The following CBLB variants were observed in gnomAD, a reference collection of about 807,000 sequenced individuals.
CBLB encodes the protein E3 ubiquitin-protein ligase CBL-B.
A neutral mutation model predicts 104.9 loss-of-function variants in CBLB; 31 were observed. The ratio of observed to expected loss-of-function variants is 0.30; its 90% CI spans 0.22 to 0.40. The LOEUF (loss-of-function observed/expected upper bound fraction) is 0.40. Among genes scored for constraint, CBLB ranks in the 10% least tolerant of loss-of-function variants. The probability of loss-of-function intolerance (pLI) is 1.00; values close to 1 mark genes in which losing one functional copy is unlikely to be tolerated. For synonymous variants in CBLB, 440 were observed against 422.6 expected (o/e 1.04, Z -0.51); for missense variants, 1,062 against 1,214.6 (o/e 0.87, Z 1.87).
At chr3:105,706,785 A>AT (rs537241012) in intron 10 of CBLB, among the ~76,000 whole-genome samples, 1,602 of 152,288 alleles carry the variant, frequency 0.011, 22 homozygotes, top group African/African-American at 0.036. Context: ...CAAACAATAT[A>AT]TTTTTTTATA....
chr3:105,784,795 A>G (rs756654839), intron 3 of CBLB, among the ~76,000 whole-genome samples: 1 of 152,166 alleles, frequency 6.6e-6, no homozygotes, highest in Admixed American at 6.5e-5. Context: ...TTTACTCAAT[A>G]GAATATAGTT....
intron 9 of CBLB, among the ~76,000 whole-genome samples, chr3:105,726,233 A>C (rs969367468): frequency 6.6e-6 from 1 of 152,154 alleles, no homozygotes; most frequent in Non-Finnish European, 1.5e-5. Flanking sequence ...TTTCCCAACA[A>C]CACTCTCTAC....
intron 10 of CBLB, among the ~76,000 whole-genome samples, chr3:105,706,637 T>C (rs1294466384): frequency 6.6e-6 from 1 of 152,152 alleles, no homozygotes; most frequent in Non-Finnish European, 1.5e-5. Flanking sequence ...CATCTAATTC[T>C]CCACCATTCC....
At chr3:105,848,516 A>T (rs2090565376) in intron 3 of CBLB, among the ~76,000 whole-genome samples, 1 of 152,126 alleles carries the variant, frequency 6.6e-6, no homozygotes, top group Admixed American at 6.6e-5. Flanking sequence ...ATTAACAATC[A>T]ACTAAAATTT....
At chr3:105,796,680 CTACA>C (rs1327472784) in intron 3 of CBLB, among the ~76,000 whole-genome samples, 2 of 152,140 alleles carry the variant, frequency 1.3e-5, no homozygotes, top group Non-Finnish European at 2.9e-5. Context: ...TATTTGCAAA[CTACA>C]TATGTGGCAA....
chr3:105,716,741 A>G (rs1036877), intron 10 of CBLB, among the ~76,000 whole-genome samples: 150,831 of 152,280 alleles, frequency 0.99, 74,716 homozygotes, highest in East Asian at 1. Context: ...AACTCCCATA[A>G]GAAAGTATAA....
chr3:105,835,512 T>C (rs1009952187), intron 3 of CBLB, among the ~76,000 whole-genome samples: 1 of 152,160 alleles, frequency 6.6e-6, no homozygotes, highest in Non-Finnish European at 1.5e-5. Flanking sequence ...TAGTATGATT[T>C]AAAATTAAAC....
chr3:105,729,840 G>A (rs560516850), intron 9 of CBLB, among the ~76,000 whole-genome samples: 1 of 151,902 alleles, frequency 6.6e-6, no homozygotes, highest in Non-Finnish European at 1.5e-5. Context: ...AAATACCAGA[G>A]GCATTTTGCA....
At chr3:105,720,399 G>A (rs1298104290) in intron 9 of CBLB, 149 bp from the exon 10 acceptor site, 25 of 690,606 alleles carry the variant, frequency 3.6e-5, no homozygotes, top group Middle Eastern at 3.9e-4. Context: ...AAGTGGTAGT[G>A]GGTATAGAAC....
intron 2 of CBLB, among the ~76,000 whole-genome samples, chr3:105,866,052 C>T (rs1403915031): frequency 6.6e-6 from 1 of 152,190 alleles, no homozygotes; most frequent in Admixed American, 6.5e-5. Context: ...TTGCAATATT[C>T]TGACACTATG....
intron 10 of CBLB, among the ~76,000 whole-genome samples, chr3:105,707,380 A>C (rs2070320172): frequency 6.6e-6 from 1 of 152,180 alleles, no homozygotes; most frequent in Non-Finnish European, 1.5e-5. Flanking sequence ...GAAGAAAAAA[A>C]ATATCTTTCA....
chr3:105,787,302 A>G (rs867228000), intron 3 of CBLB, among the ~76,000 whole-genome samples: 31 of 152,212 alleles, frequency 2.0e-4, no homozygotes, highest in African/African-American at 6.5e-4. Flanking sequence ...TTCTAATAAC[A>G]AGGCTAATTA....
At chr3:105,705,991 A>T (rs891031712) in intron 10 of CBLB, among the ~76,000 whole-genome samples, 17 of 151,978 alleles carry the variant, frequency 1.1e-4, no homozygotes, top group Admixed American at 2.0e-4. Flanking sequence ...TATTTTTTTT[A>T]AATTAGAATG....
intron 5 of CBLB, among the ~76,000 whole-genome samples, chr3:105,750,209 G>A (rs982293686): frequency 1.3e-5 from 2 of 151,902 alleles, no homozygotes; most frequent in African/African-American, 2.4e-5. Context: ...TAGTAGAGGC[G>A]GGGTTTCACA....
intron 2 of CBLB, among the ~76,000 whole-genome samples, chr3:105,858,862 T>G (rs2091856918): frequency 6.6e-6 from 1 of 152,206 alleles, no homozygotes; most frequent in Non-Finnish European, 1.5e-5. Context: ...TGCTTAAATG[T>G]ATTAGAAATA....
chr3:105,738,848 G>A (rs898204565), intron 7 of CBLB, among the ~76,000 whole-genome samples: 1 of 152,066 alleles, frequency 6.6e-6, no homozygotes, highest in Non-Finnish European at 1.5e-5. Context: ...TACACATTTG[G>A]TACCATAACT....
intron 14 of CBLB, chr3:105,682,206 G>T: frequency 5.6e-6 from 1 of 177,740 alleles, no homozygotes. Flanking sequence ...TTTATTATTT[G>T]TTGATAGTAT....
chr3:105,783,954 A>AT (rs1036437717), intron 3 of CBLB, among the ~76,000 whole-genome samples: 1 of 152,192 alleles, frequency 6.6e-6, no homozygotes, highest in African/African-American at 2.4e-5. Flanking sequence ...TTCCCAAATG[A>AT]TTTTTTTAAT....
intron 3 of CBLB, among the ~76,000 whole-genome samples, chr3:105,813,791 A>G (rs1196497358): frequency 1.3e-5 from 2 of 152,122 alleles, no homozygotes; most frequent in Non-Finnish European, 2.9e-5. Flanking sequence ...AAAAACTTCA[A>G]TAACAAGAAG....
Sources: gnomAD v4.1 joint callset for allele counts (sites outside exome capture counted in the v4.1 genomes callset) on GRCh38, gnomAD v4.1.1 for gene constraint, MANE v1.5 for transcripts, NCBI Gene and HGNC (gene_info 2026-07-23, HGNC 2026-07-21) for gene names.